Variants in SERPINH1 observed in about 807,000 individuals in gnomAD.
SERPINH1 encodes the protein serpin family H member 1.
Under a neutral mutation model 32.3 loss-of-function variants are expected in SERPINH1, and 22 were observed. The ratio of observed to expected loss-of-function variants is 0.68; its 90% CI spans 0.49 to 0.97. SERPINH1 has a LOEUF of 0.97. SERPINH1 is among the 50% of genes least tolerant of loss of function. SERPINH1 has a pLI of 0.00. For missense variants in SERPINH1, 543 were observed against 576.4 expected (o/e 0.94, Z 0.59); for synonymous variants, 251 against 245.9 (o/e 1.02, Z -0.19).
At chr11:75,569,202 G>T in intron 4 of SERPINH1, 31 bp downstream of exon 4, 1 of 1,530,734 alleles carries the variant, frequency 6.5e-7, no homozygotes, top group African/African-American at 1.4e-5. Flanking sequence ...GGGGCCTGCA[G>T]GCCTTGGAGC....
At chr11:75,569,289 C>A in intron 4 of SERPINH1, 118 bp downstream of exon 4, 1 of 731,480 alleles carries the variant, frequency 1.4e-6, no homozygotes, top group Non-Finnish European at 2.3e-6. Flanking sequence ...CCAGGCAGTG[C>A]TGGGCTCTGT....
intron 1 of SERPINH1, among the ~76,000 whole-genome samples, chr11:75,564,582 A>T (rs1179495262): frequency 1.3e-5 from 2 of 152,190 alleles, no homozygotes; most frequent in Non-Finnish European, 2.9e-5. Flanking sequence ...GCAATAAATT[A>T]TATGGTTGCT....
chr11:75,571,634 C>T, intron 4 of SERPINH1, 147 bp from the exon 5 acceptor site: 6 of 713,874 alleles, frequency 8.4e-6, no homozygotes, highest in South Asian at 3.1e-5. Flanking sequence ...ATTTGAAGTG[C>T]CAGTGCCATG....
rs61733248 is a variant in SERPINH1 at position 75,568,961 on chromosome 11, C to T, written c.744C>T (p.Asp248=). 3.0e-3 allele frequency: 4,862 copies of T among 1,613,986 alleles called. 11 individuals carry two copies. Among genetic ancestry groups the T allele is most frequent in the Non-Finnish European group, 2.9e-3 (3,458 of 1,179,990 alleles). ...CAGGCCTCTACAACTACTACGACGA[C>T]GAGAAGGAAAAGCTGCAAATCGTGG... is the stretch of plus-strand genomic sequence containing the variant. ...HRTGLYNYYD[D]EKEKLQIVEM... The change falls in exon 4 of 5, where the codon GAC becomes GAT. Residue 248 remains aspartate, a synonymous_variant. Transcript: ENST00000358171.
rs764819709 is a variant in SERPINH1 at position 75,566,848 on chromosome 11, C to T, written c.499C>T (p.Arg167Cys). ...CTCCAAGATCAACTTCCGCGACAAGCGCAGCGCGCTGCAGTCCATCAACGA... is the reference window on the plus strand; with the variant it reads ...CTCCAAGATCAACTTCCGCGACAAGTGCAGCGCGCTGCAGTCCATCAACGA... The part of the protein sequence containing the change: ...EHSKINFRDK[R>C]SALQSINEWA... Residue 167 changes from arginine to cysteine, a missense_variant, in exon 2 of 5, where the codon CGC becomes TGC. Arg to Cys is a radical substitution (Grantham distance 180, BLOSUM62 -3). Around this residue, in one of 3 missense-constraint regions of SERPINH1, gnomAD observed 427 missense variants for 446.4 expected, o/e 0.96. Coordinates refer to ENST00000358171, the MANE Select transcript of SERPINH1 (RefSeq NM_001235.5). 6.2e-7 allele frequency: 1 copy of T among 1,612,202 alleles called. No homozygotes were observed. The highest frequency in any genetic ancestry group is 1.1e-5 in the South Asian group (1 of 91,086).
chr11:75,571,790 G>A lies in SERPINH1; in HGVS notation c.964G>A (p.Ala322Thr), dbSNP rs781326376. The A allele has an allele frequency of 6.2e-7, 1 of 1,613,524 alleles. No homozygotes were observed. Residue 322 changes from alanine (A) to threonine (T), a missense_variant, in exon 5 of 5, where the codon GCT (alanine) becomes ACT (threonine). By Grantham distance (58) the Ala-to-Thr change is moderately conservative. Transcript: ENST00000358171. ...EVTHDLQKHL[A>T]GLGLTEAIDK... ...CTCCTTGTTCCCACAGAAACACCTGGCTGGGCTGGGCCTGACTGAGGCCAT... is the reference window on the plus strand; with the variant it reads ...CTCCTTGTTCCCACAGAAACACCTGACTGGGCTGGGCCTGACTGAGGCCAT...
rs1201055770 is a variant in SERPINH1, at chr11:75,572,260, C to T, written c.*177C>T. On this transcript the variant is annotated 3_prime_UTR_variant, in exon 5 of 5. Coordinates refer to ENST00000358171, the MANE Select transcript of SERPINH1 (RefSeq NM_001235.5). ...CGGACCTTCCCAGCTAGAATTCACT[C>T]CACTTGGACATGGGCCCCAGATACC... is the stretch of plus-strand genomic sequence containing the variant. 3.0e-6 allele frequency: 2 copies of T among 676,930 alleles called. No homozygotes were observed. Among genetic ancestry groups the T allele is most frequent in the Admixed American group, 4.2e-5 (2 of 47,332 alleles). The allele number at this position is 676,930 out of a possible 1,614,324, so 41.9% of individuals were successfully genotyped here.
At position 75,566,649 on chromosome 11, in the gene SERPINH1, G is replaced by A; in HGVS notation, c.300G>A (p.Glu100=). The change falls in exon 2 of 5, where the codon GAG becomes GAA. Residue 100 remains glutamate (E), a synonymous_variant. Coordinates refer to ENST00000358171, the MANE Select transcript of SERPINH1 (RefSeq NM_001235.5). Reference sequence around the variant, plus strand: ...AGGCCAAGGCAGTGCTGAGCGCCGAGCAGCTGCGCGACGAGGAGGTGCACG... The same window carrying A: ...AGGCCAAGGCAGTGCTGAGCGCCGAACAGCTGCGCGACGAGGAGGTGCACG... ...ASQAKAVLSA[E]QLRDEEVHAG... is the part of the protein sequence containing the mutation. The A allele has an allele frequency of 1.2e-6, 2 of 1,607,784 alleles. No individual in the cohort carries two copies. The highest frequency in any genetic ancestry group is 4.5e-5 in the East Asian group (2 of 44,758).
intron 1 of SERPINH1, among the ~76,000 whole-genome samples, chr11:75,564,797 C>T (rs1338516761): frequency 2.0e-5 from 3 of 152,316 alleles, no homozygotes; most frequent in Middle Eastern, 3.4e-3. Flanking sequence ...TCTTATACTG[C>T]ACCTTCAAGG....
At chr11:75,567,413 C>T (rs542837411) in intron 2 of SERPINH1, among the ~76,000 whole-genome samples, 134 of 152,340 alleles carry the variant, frequency 8.8e-4, no homozygotes, top group Non-Finnish European at 1.5e-3. Flanking sequence ...CCTTGGCCTC[C>T]GGGCTTCAAG....
At position 75,569,131 on chromosome 11, in the gene SERPINH1, C is replaced by G. The variant is rs767034212; in HGVS notation, c.914C>G (p.Ser305Cys). 1 of 1,613,576 alleles carries G rather than the reference C, an allele frequency of 6.2e-7. No homozygotes were observed. Among genetic ancestry groups the G allele is most frequent in the Admixed American group, 1.7e-5 (1 of 59,932 alleles). The change falls in exon 4 of 5, where the codon TCC (serine) becomes TGC (cysteine). Residue 305 changes from serine to cysteine, a missense_variant. Around this residue, in one of 3 missense-constraint regions of SERPINH1, gnomAD observed 427 missense variants for 446.4 expected, o/e 0.96. Coordinates refer to ENST00000358171, the MANE Select transcript of SERPINH1 (RefSeq NM_001235.5). ...GKMQKKAVAI[S>C]LPKGVVEVTH... is the part of the protein sequence containing the mutation. ...ATGCAGAAGAAGGCTGTTGCCATCTCCTTGCCCAAGGGTGTGGTGGAGGTG... is the reference window on the plus strand; with the variant it reads ...ATGCAGAAGAAGGCTGTTGCCATCTGCTTGCCCAAGGGTGTGGTGGAGGTG...
chr11:75,570,289 G>C (rs935743151), intron 4 of SERPINH1, among the ~76,000 whole-genome samples: 1 of 152,172 alleles, frequency 6.6e-6, no homozygotes. Flanking sequence ...GATAAAGCTG[G>C]AGATGAAGTG....
rs377081876 is a variant in SERPINH1 at position 75,566,944 on chromosome 11, C to T, written c.595C>T (p.Leu199=). 5.0e-5 allele frequency: 80 copies of T among 1,602,574 alleles called. No individual in the cohort carries two copies. The highest frequency in any genetic ancestry group is 6.0e-5 in the Non-Finnish European group (71 of 1,179,230). The change falls in exon 2 of 5, where the codon CTG becomes TTG. Residue 199 remains leucine, a synonymous_variant. Transcript: ENST00000358171. The part of the protein sequence containing the change: ...TKDVERTDGA[L]LVNAMFFKPH... ...GGACGTGGAGCGCACGGACGGCGCCCTGCTAGTCAACGCCATGTTCTTCAA... is the reference window on the plus strand; with the variant it reads ...GGACGTGGAGCGCACGGACGGCGCCTTGCTAGTCAACGCCATGTTCTTCAA...
At position 75,568,933 on chromosome 11, in the gene SERPINH1, T is replaced by A; in HGVS notation, c.722-6T>A. On this transcript the variant is annotated splice_polypyrimidine_tract_variant and splice_region_variant and intron_variant, in intron 3 of 4. Transcript: ENST00000358171. ...GTGCCCAGTGTCCTTTCCGCTCCTC[T>A]CCCAGGCCTCTACAACTACTACGAC... 1 of 1,613,596 alleles carries A rather than the reference T, an allele frequency of 6.2e-7. No homozygotes were observed. Among genetic ancestry groups the A allele is most frequent in the Non-Finnish European group, 8.5e-7 (1 of 1,179,768 alleles).
rs1436211650 is a variant in SERPINH1 at position 75,568,589 on chromosome 11, G to GCTCTATAGCTGGGCC, written c.623-139_623-125dup. On this transcript the variant is annotated intron_variant, in intron 2 of 4. Transcript: ENST00000358171. ...GGAACATAGACTCTGTGGGCTGGGT[G>GCTCTATAGCTGGGCC]CTCTATAGCTGGGCCCTGAAGAATG... The GCTCTATAGCTGGGCC allele has an allele frequency of 2.7e-5, 19 of 700,458 alleles. No homozygotes were observed. The African/African-American group carries it at 3.1e-4, about 12-fold the overall frequency. 43.4% of individuals were successfully genotyped at this position (700,458 alleles called of 1,614,324 possible).
In SERPINH1 at chr11:75,568,494, C is replaced by T. The variant is rs646920; in HGVS notation, c.623-237C>T. 0.46 allele frequency: 266,390 copies of T among 583,006 alleles called. 66,468 individuals are homozygous for T. The highest frequency in any genetic ancestry group is 0.55 in the Non-Finnish European group (177,972 of 321,088). The allele number at this position is 583,006 out of a possible 1,614,324, so 36.1% of individuals were successfully genotyped here. ...TTAATTCTCTATCATATGGGAGCAG[C>T]AGGCACTGACTGTAGGGAACCGCAT... On this transcript the variant is annotated intron_variant, in intron 2 of 4. Coordinates refer to ENST00000358171, the MANE Select transcript of SERPINH1 (RefSeq NM_001235.5).
rs544125423 is a variant in SERPINH1 at position 75,570,682 on chromosome 11, C to T, written c.955-1099C>T. Among the ~76,000 whole-genome samples, 29 of 152,318 alleles carry T rather than the reference C, an allele frequency of 1.9e-4. No homozygotes were observed. The East Asian group carries it at 5.4e-3, about 28-fold the overall frequency. On this transcript the variant is annotated intron_variant, in intron 4 of 4. Coordinates refer to ENST00000358171, the MANE Select transcript of SERPINH1 (RefSeq NM_001235.5). ...GAGGTGGATGTTATCCTGAAGAATC[C>T]TGGACCCGGATGCTGCCATTCACTC...
intron 4 of SERPINH1, among the ~76,000 whole-genome samples, chr11:75,569,732 A>T (rs1481789646): frequency 6.6e-6 from 1 of 152,156 alleles, no homozygotes; most frequent in Non-Finnish European, 1.5e-5. Flanking sequence ...CTTTATACGT[A>T]TTAAACTCTT....
At chr11:75,562,346 G>C (rs894433697) in intron 1 of SERPINH1, 27 bp downstream of exon 1, 1 of 152,278 alleles carries the variant, frequency 6.6e-6, no homozygotes, top group African/African-American at 2.4e-5. Context: ...GCCTGCGTGC[G>C]TGCGGCCCGG....
Sources: gnomAD v4.1 joint callset for allele counts (sites outside exome capture counted in the v4.1 genomes callset) on GRCh38, gnomAD v4.1.1 for gene constraint, gnomAD v4.1.1 regional missense constraint, MANE v1.5 for transcripts, NCBI Gene and HGNC (gene_info 2026-07-23, HGNC 2026-07-21) for gene names.